Variants in OBSL1 observed in about 807,000 individuals in gnomAD.
OBSL1 encodes the protein obscurin like cytoskeletal adaptor 1.
Under a neutral mutation model 172.0 loss-of-function variants are expected in OBSL1, and 160 were observed. That is an observed-to-expected ratio of 0.93 (90% CI 0.82 to 1.06). The LOEUF (loss-of-function observed/expected upper bound fraction) is 1.06, where lower values mean the gene tolerates loss of function less well. Among genes scored for constraint, OBSL1 ranks in the 50% least tolerant of loss-of-function variants. The pLI, the probability that OBSL1 is intolerant of heterozygous loss-of-function variation, is 0.00. For missense variants in OBSL1, 2,681 were observed against 2,715.4 expected (o/e 0.99, Z 0.28); for synonymous variants, 1,200 against 1,196.3 (o/e 1.00, Z -0.06).
intron 7 of OBSL1, 86 bp from the exon 8 acceptor site, chr2:219,562,760 A>T: frequency 1.4e-6 from 2 of 1,422,318 alleles, no homozygotes; most frequent in South Asian, 2.8e-5. Context: ...ACCCCTGGAA[A>T]GTAGGCCATG....
intron 8 of OBSL1, 98 bp from the exon 9 acceptor site, chr2:219,559,595 A>T: frequency 9.4e-7 from 1 of 1,059,078 alleles, no homozygotes; most frequent in Non-Finnish European, 1.4e-6. Context: ...CATAATAATG[A>T]GAATAATAAG....
Position 219,568,334 on chromosome 2 carries a change from G to C in OBSL1, c.1013-10C>G, listed in dbSNP as rs753624080. 4 of 1,593,954 alleles carry C rather than the reference G, an allele frequency of 2.5e-6. No individual in the cohort carries two copies. In the East Asian group the frequency reaches 6.8e-5, roughly 27 times the overall value. On this transcript the variant is annotated splice_polypyrimidine_tract_variant and intron_variant, in intron 1 of 20. Coordinates refer to ENST00000404537, the MANE Select transcript of OBSL1 (RefSeq NM_015311.3). This position sits in a 1 kb window ranked among gnomAD's most constrained non-coding sequence, Gnocchi z 4.1. ...AACCGGAGGCGGGGCTCTGTGGAGA[G>C]GGGAGAGAGAGACAAGAGAGGGCTC...
chr2:219,562,939 C>A, intron 7 of OBSL1: 1 of 549,400 alleles, frequency 1.8e-6, no homozygotes, highest in Admixed American at 3.1e-5. Flanking sequence ...GCTCCACATT[C>A]TCTGGGTTGG....
Position 219,557,804 on chromosome 2 carries a change from A to T in OBSL1, c.3790+19T>A, listed in dbSNP as rs1696140592. ...AGGCTTGGTGCCACTCTCAGGCTTA[A>T]TGCCCAGGCTGTACTCACCAGCCAC... On this transcript the variant is annotated intron_variant, in intron 11 of 20. Coordinates refer to ENST00000404537, the MANE Select transcript of OBSL1 (RefSeq NM_015311.3). 3 of 1,580,356 alleles carry T rather than the reference A, an allele frequency of 1.9e-6. No individual in the cohort carries two copies. The Admixed American group carries it at 5.6e-5, about 29-fold the overall frequency.
At chr2:219,566,789 C>A in intron 5 of OBSL1, 41 bp downstream of exon 5, 1 of 1,527,624 alleles carries the variant, frequency 6.5e-7, no homozygotes, top group Non-Finnish European at 8.8e-7. Context: ...ACTTCTGTGT[C>A]TTGACCCTTT....
intron 7 of OBSL1, chr2:219,563,111 TGGTACA>T (rs1412749620): frequency 1.2e-5 from 6 of 519,788 alleles, no homozygotes; most frequent in Non-Finnish European, 2.0e-5. Flanking sequence ...AGATTTCCCT[TGGTACA>T]GGTTTTCAGG....
At chr2:219,548,553 G>T (rs1207745113), downstream of OBSL1, among the ~76,000 whole-genome samples, 1 of 152,230 alleles carries the variant, frequency 6.6e-6, no homozygotes, top group Non-Finnish European at 1.5e-5. Flanking sequence ...CAAAGAGCTA[G>T]AGAAGAGGGA....
At chr2:219,561,844 G>A (rs1364295696) in intron 8 of OBSL1, 2 of 716,726 alleles carry the variant, frequency 2.8e-6, no homozygotes, top group East Asian at 5.4e-5. Flanking sequence ...GCAGGGAGGT[G>A]GGACAGAGGA....
In OBSL1 at chr2:219,566,434, TGTAA is replaced by T. The variant is rs370087207; in HGVS notation, c.2134+392_2134+395del. 7.5e-4 allele frequency among the ~76,000 whole-genome samples: 113 copies of T among 151,080 alleles called. 1 individual carries two copies. The highest frequency in any genetic ancestry group is 2.6e-3 in the African/African-American group (109 of 41,180). Reference sequence around the variant, plus strand: ...CCATTGAGAAGATTGTGTTAATGTATGTAAGGTGATTAGGACTGCGCCTGGCACG... The same window carrying T: ...CCATTGAGAAGATTGTGTTAATGTATGGTGATTAGGACTGCGCCTGGCACG... On this transcript the variant is annotated intron_variant, in intron 5 of 20. Coordinates refer to ENST00000404537, the MANE Select transcript of OBSL1 (RefSeq NM_015311.3).
At position 219,570,640 on chromosome 2, in the gene OBSL1, G is replaced by C; in HGVS notation, c.593C>G (p.Ala198Gly). 1 of 1,510,596 alleles carries C rather than the reference G, an allele frequency of 6.6e-7. No individual in the cohort carries two copies. 93.6% of individuals were successfully genotyped at this position (1,510,596 alleles called of 1,614,324 possible). A position where few individuals can be genotyped will look rare whatever the true frequency, so the allele number is the denominator to read the frequency against. ...PGASLALRIL[A>G]ARLPDSGVYV... The stretch of plus-strand genomic sequence containing the variant: ...GACGCCGGAATCCGGCAGCCGAGCC[G>C]CCAGGATGCGCAGTGCCAGGCTCGC... The change falls in exon 1 of 21, where the codon GCG becomes GGG. Residue 198 changes from alanine (A) to glycine (G), a missense_variant. Coordinates refer to ENST00000404537, the MANE Select transcript of OBSL1 (RefSeq NM_015311.3).
intron 20 of OBSL1, chr2:219,551,262 C>A: frequency 7.2e-7 from 1 of 1,398,250 alleles, no homozygotes. Flanking sequence ...CAAACATGGT[C>A]CAGTGGCAGG....
At chr2:219,547,852 C>A (rs1442437870), downstream of OBSL1, 2 of 1,586,952 alleles carry the variant, frequency 1.3e-6, no homozygotes, top group Non-Finnish European at 8.5e-7. Flanking sequence ...CCCGCCCACT[C>A]ACCACCCTGG....
rs1696102582 is a variant in OBSL1, at chr2:219,557,418, C to T, written c.3991G>A (p.Ala1331Thr). ...GARQVLRVQG[A>T]RSGDAGEYLC... is the part of the protein sequence containing the mutation. ...TACTCCCCAGCGTCCCCGCTCCGTG[C>T]CCCCTGCACCCGCAGCACCTGCCTG... The change falls in exon 12 of 21, where the codon GCA becomes ACA. Residue 1331 changes from alanine (A) to threonine (T), a missense_variant. Ala to Thr is a moderately conservative substitution (Grantham distance 58, BLOSUM62 0). This residue lies in a region of OBSL1 where 1,765 missense variants were observed against 1,748.3 expected (regional missense o/e 1.01). Transcript: ENST00000404537. 3.2e-6 allele frequency: 5 copies of T among 1,547,752 alleles called. No individual in the cohort carries two copies. Among genetic ancestry groups the T allele is most frequent in the African/African-American group, 2.7e-5 (2 of 73,192 alleles).
downstream of OBSL1, chr2:219,550,625 G>C (rs1023241034): frequency 3.4e-6 from 2 of 596,144 alleles, no homozygotes; most frequent in East Asian, 5.7e-5. Flanking sequence ...GCACTTTCAT[G>C]GGCCAGGTAC....
Position 219,566,998 on chromosome 2 carries a change from T to C in OBSL1, c.1966A>G (p.Ser656Gly), listed in dbSNP as rs757444299. 23 of 1,613,620 alleles carry C rather than the reference T, an allele frequency of 1.4e-5. No individual in the cohort carries two copies. In the South Asian group the frequency reaches 1.5e-4, roughly 11 times the overall value. ...TCCACCTGGCCCTCCGGCTCGTTACTCTTGAGCTCTTCCCCATTAAGGAAC... is the reference window on the plus strand; with the variant it reads ...TCCACCTGGCCCTCCGGCTCGTTACCCTTGAGCTCTTCCCCATTAAGGAAC... Reference protein sequence around the residue: ...TWFLNGEELKSNEPEGQVEPG... With the variant: ...TWFLNGEELKGNEPEGQVEPG... Residue 656 changes from serine to glycine, a missense_variant, in exon 5 of 21, where the codon AGT becomes GGT. Ser to Gly is a moderately conservative substitution (Grantham distance 56). Around this residue, in one of 5 missense-constraint regions of OBSL1, gnomAD observed 1,765 missense variants for 1,748.3 expected, o/e 1.01. Coordinates refer to ENST00000404537, the MANE Select transcript of OBSL1 (RefSeq NM_015311.3).
intron 5 of OBSL1, 127 bp downstream of exon 5, chr2:219,566,703 C>G: frequency 9.3e-7 from 1 of 1,072,884 alleles, no homozygotes. Context: ...CAACCTCAGC[C>G]CATCATGGAT....
Position 219,562,382 on chromosome 2 carries a change from G to A in OBSL1, c.2953+20C>T. 1 of 1,609,556 alleles carries A rather than the reference G, an allele frequency of 6.2e-7. No individual in the cohort carries two copies. The highest frequency in any genetic ancestry group is 8.5e-7 in the Non-Finnish European group (1 of 1,177,056). ...TCAGGGCTGTCTCTGTGACCCCGGGGAGCTGGGCTGGGCCCACACCTGTGA... is the reference window on the plus strand; with the variant it reads ...TCAGGGCTGTCTCTGTGACCCCGGGAAGCTGGGCTGGGCCCACACCTGTGA... On this transcript the variant is annotated intron_variant, in intron 8 of 20. Transcript: ENST00000404537.
chr2:219,552,312 C>A, intron 18 of OBSL1, 96 bp from the exon 19 acceptor site: 1 of 1,196,730 alleles, frequency 8.4e-7, no homozygotes, highest in Non-Finnish European at 1.2e-6. Context: ...TCGGTTCGGA[C>A]GCCGTTAGTG....
chr2:219,554,987 A>C (rs4672935), intron 14 of OBSL1, among the ~76,000 whole-genome samples: 1 of 151,908 alleles, frequency 6.6e-6, no homozygotes, highest in Non-Finnish European at 1.5e-5. Flanking sequence ...GGGGTCGTGG[A>C]GTCTGGGTGA....
Sources: allele counts gnomAD v4.1 joint callset (sites outside exome capture counted in the v4.1 genomes callset), GRCh38; gene constraint gnomAD v4.1.1; regional missense constraint gnomAD v4.1.1; non-coding constraint Gnocchi (gnomAD v3.1); transcripts MANE v1.5; gene names NCBI Gene and HGNC (gene_info 2026-07-23, HGNC 2026-07-21).